Variants in PEX7 observed in about 807,000 individuals in gnomAD.
PEX7 encodes peroxisomal biogenesis factor 7.
In PEX7, 34 loss-of-function variants were observed where a neutral mutation model predicts 47.5. That is an observed-to-expected ratio of 0.72 (90% CI 0.54 to 0.95). The LOEUF is 0.95. Among genes scored for constraint, PEX7 ranks in the 40% least tolerant of loss-of-function variants. The probability of loss-of-function intolerance (pLI) is 0.00; values close to 1 mark genes in which losing one functional copy is unlikely to be tolerated. For synonymous variants in PEX7, 141 were observed against 148.8 expected (o/e 0.95, Z 0.38); for missense variants, 394 against 400.3 (o/e 0.98, Z 0.13).
intron 5 of PEX7, among the ~76,000 whole-genome samples, chr6:136,853,618 A>G (rs1251604265): frequency 6.6e-6 from 1 of 152,162 alleles, no homozygotes; most frequent in Admixed American, 6.5e-5. Flanking sequence ...CTAAATTGTG[A>G]AAGTACTATT....
chr6:136,839,131 T>G (rs575511776), intron 3 of PEX7, among the ~76,000 whole-genome samples: 2 of 152,104 alleles, frequency 1.3e-5, no homozygotes, highest in South Asian at 4.2e-4. Context: ...CAGTGAGCTG[T>G]GCTCGTTCGT....
At chr6:136,892,431 A>G (rs926369475) in intron 8 of PEX7, among the ~76,000 whole-genome samples, 1 of 152,244 alleles carries the variant, frequency 6.6e-6, no homozygotes, top group Non-Finnish European at 1.5e-5. Flanking sequence ...CTTTTTTAGT[A>G]GAAAAAGTAC....
intron 3 of PEX7, among the ~76,000 whole-genome samples, chr6:136,835,205 T>A (rs1259576703): frequency 6.6e-6 from 1 of 152,034 alleles, no homozygotes; most frequent in East Asian, 1.9e-4. Context: ...GATTACAGGC[T>A]TGAGCCACTG....
chr6:136,841,533 G>A, intron 3 of PEX7, among the ~76,000 whole-genome samples: 1 of 152,158 alleles, frequency 6.6e-6, no homozygotes, highest in Non-Finnish European at 1.5e-5. Flanking sequence ...TGAGCACGAA[G>A]CTGAATTTCC....
intron 9 of PEX7, among the ~76,000 whole-genome samples, chr6:136,905,521 C>T (rs1267728415): frequency 1.3e-5 from 2 of 152,140 alleles, no homozygotes; most frequent in East Asian, 1.9e-4. Context: ...ACTCCTGAAA[C>T]CCGAATTAGC....
intron 8 of PEX7, among the ~76,000 whole-genome samples, chr6:136,895,623 A>C (rs1175559336): frequency 6.6e-6 from 1 of 152,062 alleles, no homozygotes; most frequent in Admixed American, 6.6e-5. Flanking sequence ...ATTTGTTTTT[A>C]TGTTTCGTCC....
chr6:136,878,517 G>T (rs142050891), intron 8 of PEX7, among the ~76,000 whole-genome samples: 105 of 152,242 alleles, frequency 6.9e-4, no homozygotes, highest in Admixed American at 1.7e-3. Flanking sequence ...AGCATGAAGG[G>T]TGTTGAATTT....
intron 5 of PEX7, among the ~76,000 whole-genome samples, chr6:136,865,710 G>A (rs1021303767): frequency 2.6e-5 from 4 of 152,202 alleles, no homozygotes; most frequent in African/African-American, 9.6e-5. Flanking sequence ...CCCAGGAGGT[G>A]GAAGTTGCAA....
chr6:136,860,200 T>A (rs546156068), intron 5 of PEX7, among the ~76,000 whole-genome samples: 1 of 152,018 alleles, frequency 6.6e-6, no homozygotes, highest in South Asian at 2.1e-4. Context: ...ACAGAAGTCC[T>A]GGCAGCTGAA....
At chr6:136,828,762 T>C (rs1582734474) in intron 3 of PEX7, among the ~76,000 whole-genome samples, 1 of 152,228 alleles carries the variant, frequency 6.6e-6, no homozygotes. Context: ...CTTGAGCCCC[T>C]AGCTCTAATA....
Position 136,861,437 on chromosome 6 carries a change from A to G in PEX7, c.527-5190A>G, listed in dbSNP as rs140229885. Among the ~76,000 whole-genome samples the G allele has an allele frequency of 3.1e-3, 465 of 152,306 alleles. 5 individuals carry two copies. The highest frequency in any genetic ancestry group is 0.011 in the African/African-American group (449 of 41,572). ...CTCATATCTTATTAGGGTGAACCCAAGCTCATTGATCTTGAGACAATGCTA... is the reference window on the plus strand; with the variant it reads ...CTCATATCTTATTAGGGTGAACCCAGGCTCATTGATCTTGAGACAATGCTA... On this transcript the variant is annotated intron_variant, in intron 5 of 9. Transcript: ENST00000318471.
intron 5 of PEX7, among the ~76,000 whole-genome samples, chr6:136,854,080 CTTTACGGTTA>C (rs59611913): frequency 0.64 from 96,565 of 151,468 alleles, 30,887 homozygotes; most frequent in African/African-American, 0.69. Flanking sequence ...CATAGTTAAC[CTTTACGGTTA>C]GTAAGGCTGA....
chr6:136,893,367 C>T (rs1455321421), intron 8 of PEX7, among the ~76,000 whole-genome samples: 4 of 152,226 alleles, frequency 2.6e-5, no homozygotes, highest in African/African-American at 9.6e-5. Context: ...AGCTGCTCTT[C>T]TGCTGTCTCC....
rs1299536605 is a variant in PEX7, at chr6:136,826,185, C to T, written c.189-134C>T. The T allele has an allele frequency of 7.4e-6, 7 of 940,684 alleles. No homozygotes were observed. In the East Asian group the frequency reaches 1.5e-4, roughly 20 times the overall value. 58.3% of individuals were successfully genotyped at this position (940,684 alleles called of 1,614,324 possible). A position where few individuals can be genotyped will look rare whatever the true frequency, so the allele number is the denominator to read the frequency against. Reference sequence around the variant, plus strand: ...ACTCTACTTAACTCCCGTAGTTGTGCAGATTACATGAGATATACGTGTTAA... The same window carrying T: ...ACTCTACTTAACTCCCGTAGTTGTGTAGATTACATGAGATATACGTGTTAA... On this transcript the variant is annotated intron_variant, in intron 2 of 9. Coordinates refer to ENST00000318471, the MANE Select transcript of PEX7 (RefSeq NM_000288.4).
intron 8 of PEX7, among the ~76,000 whole-genome samples, chr6:136,895,397 T>C (rs1478727608): frequency 6.6e-6 from 1 of 152,210 alleles, no homozygotes; most frequent in Non-Finnish European, 1.5e-5. Context: ...AATATTATTT[T>C]TAAATTATGC....
At chr6:136,845,730 C>A in intron 4 of PEX7, 38 bp downstream of exon 4, 1 of 1,215,698 alleles carries the variant, frequency 8.2e-7, no homozygotes, top group South Asian at 1.2e-5. Context: ...CGAATATTCC[C>A]TTCTCTAGAG....
At chr6:136,846,229 G>A (rs1774597881) in intron 5 of PEX7, 48 bp downstream of exon 5, 2 of 1,198,194 alleles carry the variant, frequency 1.7e-6, no homozygotes, top group African/African-American at 1.5e-5. Context: ...GTGAATGGTG[G>A]CCTTGTTTTT....
At chr6:136,888,172 CG>C (rs936673628) in intron 8 of PEX7, among the ~76,000 whole-genome samples, 4 of 151,908 alleles carry the variant, frequency 2.6e-5, no homozygotes, top group African/African-American at 9.7e-5. Flanking sequence ...GCCTAGTCCC[CG>C]TTACCAACAA....
intron 8 of PEX7, among the ~76,000 whole-genome samples, chr6:136,885,209 G>A (rs1256612394): frequency 6.6e-6 from 1 of 152,116 alleles, no homozygotes; most frequent in Non-Finnish European, 1.5e-5. Flanking sequence ...CCACATTGTA[G>A]CAAATTCTCA....
Sources: allele counts gnomAD v4.1 joint callset (sites outside exome capture counted in the v4.1 genomes callset), GRCh38; gene constraint gnomAD v4.1.1; transcripts MANE v1.5; gene names NCBI Gene and HGNC (gene_info 2026-07-23, HGNC 2026-07-21).